Variants in XPO1 observed in about 807,000 individuals in gnomAD.
XPO1 encodes the protein exportin 1.
In XPO1, 5 loss-of-function variants were observed where a neutral mutation model predicts 133.3. The ratio of observed to expected loss-of-function variants is 0.04; its 90% CI spans 0.02 to 0.08. The LOEUF is 0.08. Ranked by LOEUF, XPO1 falls within the 10% of genes least tolerant of loss-of-function variation. XPO1 has a pLI of 1.00. For synonymous variants in XPO1, 419 were observed against 408.2 expected, an observed-to-expected ratio of 1.03 and a Z score of -0.32; for missense variants, 506 against 1,267.5, an observed-to-expected ratio of 0.40 and a Z score of 9.12.
chr2:61,486,219 G>T (rs1014900294), intron 19 of XPO1, among the ~76,000 whole-genome samples: 3 of 151,806 alleles, frequency 2.0e-5, no homozygotes, highest in African/African-American at 7.3e-5. Context: ...CTGTCACTCA[G>T]ACCAGAGTGC....
At chr2:61,503,910 T>A (rs1021186101) in intron 4 of XPO1, among the ~76,000 whole-genome samples, 6 of 152,202 alleles carry the variant, frequency 3.9e-5, no homozygotes, top group African/African-American at 1.4e-4. Context: ...TTGGGCACAG[T>A]GGCTTACTCC....
intron 2 of XPO1, among the ~76,000 whole-genome samples, chr2:61,531,334 G>C (rs1026010804): frequency 3.3e-5 from 5 of 152,114 alleles, no homozygotes; most frequent in African/African-American, 1.2e-4. Flanking sequence ...TTTACTTTGG[G>C]AAAGTTAACC....
intron 10 of XPO1, among the ~76,000 whole-genome samples, 195 bp from the exon 11 acceptor site, chr2:61,495,808 C>A (rs1697214876): frequency 6.6e-6 from 1 of 151,928 alleles, no homozygotes; most frequent in African/African-American, 2.4e-5. Flanking sequence ...TAGCTGGAAC[C>A]ACAGGTATGT....
intron 10 of XPO1, among the ~76,000 whole-genome samples, chr2:61,496,297 G>T (rs1426581602): frequency 1.3e-5 from 2 of 152,094 alleles, no homozygotes; most frequent in East Asian, 3.9e-4. Flanking sequence ...TTTTAACTTT[G>T]TATTAATAGG....
intron 4 of XPO1, among the ~76,000 whole-genome samples, chr2:61,510,607 TATTAAA>T (rs1015913258): frequency 1.3e-5 from 2 of 152,162 alleles, no homozygotes; most frequent in Non-Finnish European, 2.9e-5. Flanking sequence ...ATTAAAATTT[TATTAAA>T]ATTGACAGGA....
At chr2:61,519,084 G>C (rs535062803) in intron 4 of XPO1, among the ~76,000 whole-genome samples, 16 of 152,166 alleles carry the variant, frequency 1.1e-4, no homozygotes, top group Non-Finnish European at 2.1e-4. Context: ...CTGAGTAGCT[G>C]GGATTACAGG....
intron 4 of XPO1, among the ~76,000 whole-genome samples, chr2:61,511,762 CTTTTT>C (rs556975972): frequency 6.6e-6 from 1 of 151,120 alleles, no homozygotes; most frequent in Non-Finnish European, 1.5e-5. Context: ...TTTTTCTTTT[CTTTTT>C]TTTCTTTTTG....
chr2:61,511,209 C>T (rs1306120071), intron 4 of XPO1, among the ~76,000 whole-genome samples: 2 of 151,856 alleles, frequency 1.3e-5, no homozygotes, highest in Non-Finnish European at 2.9e-5. Context: ...CTGCAACCTC[C>T]ACCTCCCAGG....
intron 2 of XPO1, among the ~76,000 whole-genome samples, chr2:61,531,956 C>A (rs1269979203): frequency 6.6e-6 from 1 of 152,044 alleles, no homozygotes; most frequent in Non-Finnish European, 1.5e-5. Flanking sequence ...TTCCATGGAC[C>A]TTTTTCAAGT....
At chr2:61,510,191 C>T (rs943749130) in intron 4 of XPO1, among the ~76,000 whole-genome samples, 2 of 152,108 alleles carry the variant, frequency 1.3e-5, no homozygotes, top group Admixed American at 1.3e-4. Context: ...GCACAAGAAT[C>T]GCTTCAACCC....
Position 61,533,831 on chromosome 2 carries a change from GT to G in XPO1, c.66del (p.Lys22AsnfsTer7), listed in dbSNP as rs2104844701. The G allele has an allele frequency of 1.2e-6, 2 of 1,609,148 alleles. No homozygotes were observed. The highest frequency in any genetic ancestry group is 1.7e-5 in the Admixed American group (1 of 58,864). ...ACATTATCTAATAAGTTGATATCCA[GT>G]TTTTGGCTGAAATCAAGCAGCTGAC... ...AARQLLDFSQ[K>X]LDINLLDNVV... On this transcript the variant is annotated frameshift_variant, in exon 2 of 25. Transcript: ENST00000401558. LOFTEE classifies it high-confidence loss of function.
chr2:61,488,184 C>T lies in XPO1; in HGVS notation c.2294G>A (p.Arg765Gln), dbSNP rs1696789427. 1 of 1,613,844 alleles carries T rather than the reference C, an allele frequency of 6.2e-7. No homozygotes were observed. Among genetic ancestry groups the T allele is most frequent in the Non-Finnish European group, 8.5e-7 (1 of 1,179,862 alleles). ...TLKLISGWVS[R>Q]SNDPQMVAEN... The stretch of plus-strand genomic sequence containing the variant: ...ACTTACCATCTGTGGATCATTGGAT[C>T]GGCTCACCCAACCAGATATTAACTT... The change falls in exon 19 of 25, where the codon CGA (arginine) becomes CAA (glutamine). Residue 765 changes from arginine (R) to glutamine (Q), a missense_variant. Arg to Gln is a conservative substitution (Grantham distance 43). This residue lies in a region of XPO1 where 203 missense variants were observed against 365.9 expected (regional missense o/e 0.55). Transcript: ENST00000401558.
intron 3 of XPO1, chr2:61,526,083 T>A: frequency 8.9e-7 from 1 of 1,127,888 alleles, no homozygotes; most frequent in East Asian, 4.8e-5. Context: ...TTATATTGAT[T>A]ACTTGCCCAA....
At chr2:61,529,934 A>G (rs996238320) in intron 2 of XPO1, among the ~76,000 whole-genome samples, 3 of 152,330 alleles carry the variant, frequency 2.0e-5, no homozygotes, top group South Asian at 2.1e-4. Context: ...GTATACTTTA[A>G]AATACAATCA....
At chr2:61,502,965 C>CTTTTTTTTTTTT (rs201077547) in intron 4 of XPO1, among the ~76,000 whole-genome samples, 56 of 138,286 alleles carry the variant, frequency 4.0e-4, no homozygotes, top group African/African-American at 1.4e-3. Context: ...TGTTTCTTTT[C>CTTTTTTTTTTTT]TTTTTTTTTT....
At chr2:61,512,658 T>A (rs1014381729) in intron 4 of XPO1, among the ~76,000 whole-genome samples, 1 of 152,230 alleles carries the variant, frequency 6.6e-6, no homozygotes, top group East Asian at 1.9e-4. Flanking sequence ...TCAATAAAAA[T>A]TTCAGGACAG....
chr2:61,486,111 A>T (rs1039536529), intron 19 of XPO1, 149 bp from the exon 20 acceptor site: 9 of 755,224 alleles, frequency 1.2e-5, no homozygotes, highest in African/African-American at 5.3e-5. Context: ...TCCTACGTCA[A>T]AACAGTTTTT....
At chr2:61,498,615 T>C (rs964044760) in intron 9 of XPO1, 58 bp downstream of exon 9, 47 of 1,594,104 alleles carry the variant, frequency 2.9e-5, no homozygotes, top group East Asian at 6.7e-5. Flanking sequence ...GAGCTTTACA[T>C]GTGAAAAGAA....
At chr2:61,487,247 A>G (rs1340990434) in intron 19 of XPO1, among the ~76,000 whole-genome samples, 1 of 152,200 alleles carries the variant, frequency 6.6e-6, no homozygotes, top group African/African-American at 2.4e-5. Flanking sequence ...TAATGTTACA[A>G]AAGATGATAC....
Sources: gnomAD v4.1 joint callset for allele counts (sites outside exome capture counted in the v4.1 genomes callset) on GRCh38, gnomAD v4.1.1 for gene constraint, gnomAD v4.1.1 regional missense constraint, MANE v1.5 for transcripts, NCBI Gene and HGNC (gene_info 2026-07-23, HGNC 2026-07-21) for gene names.